PLCB1: variants seen among roughly 807,000 people sequenced by gnomAD.
The protein encoded by PLCB1 is phospholipase C beta 1, also known as 1-phosphatidylinositol 4,5-bisphosphate phosphodiesterase beta-1.
In PLCB1, 46 loss-of-function variants were observed where a neutral mutation model predicts 161.8. The observed-to-expected ratio is 0.28, with a 90% CI of 0.22 to 0.36. The LOEUF is 0.36. Ranked by LOEUF, PLCB1 falls within the 10% of genes least tolerant of loss-of-function variation. PLCB1 has a pLI of 1.00. For synonymous variants in PLCB1, 517 were observed against 503.7 expected, an observed-to-expected ratio of 1.03 and a Z score of -0.35; for missense variants, 1,016 against 1,472.5, an observed-to-expected ratio of 0.69 and a Z score of 5.07.
intron 31 of PLCB1, among the ~76,000 whole-genome samples, chr20:8,825,069 T>C (rs1014655462): frequency 5.3e-5 from 8 of 152,228 alleles, no homozygotes; most frequent in Non-Finnish European, 1.0e-4. Context: ...CAGGTCCTCA[T>C]TGTACTCATT....
intron 3 of PLCB1, among the ~76,000 whole-genome samples, chr20:8,515,792 G>A (rs1056149301): frequency 2.6e-5 from 4 of 152,204 alleles, no homozygotes; most frequent in African/African-American, 9.7e-5. Context: ...GGACAGCTGG[G>A]AGTGCTTATC....
intron 2 of PLCB1, among the ~76,000 whole-genome samples, chr20:8,263,358 G>A (rs995235733): frequency 2.0e-5 from 3 of 152,024 alleles, no homozygotes; most frequent in African/African-American, 7.2e-5. Context: ...AGTTTTAATT[G>A]GTTCAATATT....
chr20:8,139,024 T>C (rs2051375866), intron 1 of PLCB1, among the ~76,000 whole-genome samples: 1 of 151,268 alleles, frequency 6.6e-6, no homozygotes. Flanking sequence ...ACTAAAATTA[T>C]TTTATTTATA....
Position 8,467,944 on chromosome 20 carries a change from T to C in PLCB1, c.246+96494T>C, listed in dbSNP as rs149053221. Among the ~76,000 whole-genome samples, 229 of 152,310 alleles carry C rather than the reference T, an allele frequency of 1.5e-3. 2 individuals are homozygous for C. Among genetic ancestry groups the C allele is most frequent in the African/African-American group, 5.3e-3 (222 of 41,586 alleles). On this transcript the variant is annotated intron_variant, in intron 3 of 31. Coordinates refer to ENST00000338037, the MANE Select transcript of PLCB1 (RefSeq NM_015192.4). ...TTAACTAGCATTTTCCTATTTATCTTTCAAATATATAAGCTTCTACTTAGC... is the reference window on the plus strand; with the variant it reads ...TTAACTAGCATTTTCCTATTTATCTCTCAAATATATAAGCTTCTACTTAGC...
At chr20:8,758,945 T>C (rs1252444637) in intron 24 of PLCB1, among the ~76,000 whole-genome samples, 1 of 152,218 alleles carries the variant, frequency 6.6e-6, no homozygotes, top group Non-Finnish European at 1.5e-5. Context: ...GGCATGATAC[T>C]CTGACCTAAA....
intron 3 of PLCB1, among the ~76,000 whole-genome samples, chr20:8,572,023 C>CT (rs1480540828): frequency 6.6e-6 from 1 of 151,916 alleles, no homozygotes; most frequent in Non-Finnish European, 1.5e-5. Context: ...TAATGTCATT[C>CT]TAAGTAAAAA....
At chr20:8,163,835 A>G (rs943871173) in intron 2 of PLCB1, among the ~76,000 whole-genome samples, 33 of 152,322 alleles carry the variant, frequency 2.2e-4, no homozygotes, top group African/African-American at 7.9e-4. Context: ...ATGTTTGAGT[A>G]TAAATATCGG....
chr20:8,150,694 C>T (rs1462768143), intron 2 of PLCB1, among the ~76,000 whole-genome samples: 1 of 152,094 alleles, frequency 6.6e-6, no homozygotes, highest in African/African-American at 2.4e-5. Context: ...TAAGTCCCCA[C>T]CCATAAAGGA....
chr20:8,191,452 T>A (rs978586879), intron 2 of PLCB1, among the ~76,000 whole-genome samples: 1 of 152,022 alleles, frequency 6.6e-6, no homozygotes, highest in African/African-American at 2.4e-5. Context: ...TCACGGTAAG[T>A]TGCAGACAGG....
At chr20:8,690,572 A>G (rs6056023) in intron 10 of PLCB1, among the ~76,000 whole-genome samples, 88,436 of 151,896 alleles carry the variant, frequency 0.58, 27,220 homozygotes, top group South Asian at 0.71. Context: ...TTGGTCCATG[A>G]GAATTCAAGG....
At chr20:8,158,811 A>T (rs543869401) in intron 2 of PLCB1, among the ~76,000 whole-genome samples, 1 of 152,292 alleles carries the variant, frequency 6.6e-6, no homozygotes, top group African/African-American at 2.4e-5. Flanking sequence ...TAAAGCTCCA[A>T]AATGATCTCC....
At chr20:8,153,571 C>T (rs1436659169) in intron 2 of PLCB1, among the ~76,000 whole-genome samples, 2 of 152,022 alleles carry the variant, frequency 1.3e-5, no homozygotes, top group Non-Finnish European at 2.9e-5. Flanking sequence ...TCTGCTCCAC[C>T]GGTTTTGAAA....
intron 23 of PLCB1, among the ~76,000 whole-genome samples, chr20:8,754,718 AC>A (rs888640902): frequency 1.6e-4 from 25 of 152,154 alleles, no homozygotes; most frequent in Non-Finnish European, 3.1e-4. Flanking sequence ...CCAAAGAACC[AC>A]CCACTGTGGG....
chr20:8,677,862 C>T (rs1990124925), intron 9 of PLCB1, among the ~76,000 whole-genome samples: 2 of 152,246 alleles, frequency 1.3e-5, no homozygotes, highest in South Asian at 4.1e-4. Flanking sequence ...AATGCTTTCT[C>T]TGGAAGCTAC....
intron 3 of PLCB1, among the ~76,000 whole-genome samples, chr20:8,403,798 A>AT (rs934400464): frequency 1.2e-4 from 18 of 152,174 alleles, no homozygotes; most frequent in African/African-American, 4.3e-4. Flanking sequence ...TTAAAGCTTA[A>AT]TTTTTTTCAG....
chr20:8,256,258 A>C (rs551595998), intron 2 of PLCB1, among the ~76,000 whole-genome samples: 25 of 152,086 alleles, frequency 1.6e-4, no homozygotes, highest in Non-Finnish European at 3.5e-4. Context: ...ACTTAGTGCC[A>C]ATTCTATGAG....
At chr20:8,146,859 A>G (rs144851687) in intron 1 of PLCB1, among the ~76,000 whole-genome samples, 3 of 152,358 alleles carry the variant, frequency 2.0e-5, no homozygotes, top group Admixed American at 2.0e-4. Flanking sequence ...TATATCAAAT[A>G]AAGAGCAGCA....
chr20:8,347,988 A>G (rs1439869079), intron 2 of PLCB1, among the ~76,000 whole-genome samples: 1 of 152,108 alleles, frequency 6.6e-6, no homozygotes, highest in Non-Finnish European at 1.5e-5. Context: ...AAGAAAAAAA[A>G]GAAAAAGAGC....
At chr20:8,745,731 A>G (rs1205315653) in intron 23 of PLCB1, among the ~76,000 whole-genome samples, 1 of 152,152 alleles carries the variant, frequency 6.6e-6, no homozygotes, top group East Asian at 1.9e-4. Context: ...AGAGTGGTAG[A>G]TTAGTCAAGT....
Sources: gnomAD v4.1 joint callset for allele counts (sites outside exome capture counted in the v4.1 genomes callset) on GRCh38, gnomAD v4.1.1 for gene constraint, MANE v1.5 for transcripts, NCBI Gene and HGNC (gene_info 2026-07-23, HGNC 2026-07-21) for gene names.